Variants in TOX observed in about 807,000 individuals in gnomAD.
TOX encodes thymocyte selection associated high mobility group box.
TOX carries 11 observed loss-of-function variants against 53.7 expected under a neutral mutation model. The ratio of observed to expected loss-of-function variants is 0.20; its 90% CI spans 0.13 to 0.34. The LOEUF (loss-of-function observed/expected upper bound fraction) is 0.34, where lower values mean the gene tolerates loss of function less well. Ranked by LOEUF, TOX falls within the 10% of genes least tolerant of loss-of-function variation. The pLI, the probability that TOX is intolerant of heterozygous loss-of-function variation, is 1.00. For missense variants in TOX, 570 were observed against 664.6 expected (o/e 0.86, Z 1.56); for synonymous variants, 225 against 245.3 (o/e 0.92, Z 0.77).
At chr8:58,987,473 T>C (rs1021164475) in intron 1 of TOX, among the ~76,000 whole-genome samples, 1 of 152,214 alleles carries the variant, frequency 6.6e-6, no homozygotes, top group Non-Finnish European at 1.5e-5. Flanking sequence ...GTTTGTAATA[T>C]AGATGGCACA....
At chr8:58,825,823 TATAA>T (rs1426210112) in intron 6 of TOX, among the ~76,000 whole-genome samples, 11 of 152,168 alleles carry the variant, frequency 7.2e-5, no homozygotes, top group African/African-American at 2.6e-4. Context: ...CAACAGAAAA[TATAA>T]ATAGTTTCAG....
chr8:58,901,017 A>C (rs934708958), intron 3 of TOX, among the ~76,000 whole-genome samples: 1 of 152,150 alleles, frequency 6.6e-6, no homozygotes, highest in African/African-American at 2.4e-5. Context: ...AGCATCAGTC[A>C]AATTTTGAAT....
At position 58,873,958 on chromosome 8, in the gene TOX, C is replaced by CTTTTT. The variant is rs1173710545; in HGVS notation, c.412-22158_412-22154dup. On this transcript the variant is annotated intron_variant, in intron 3 of 8. Transcript: ENST00000361421. ...AATACACATCCTGAATGCCAGGAAG[C>CTTTTT]TTTTTTTTTTTTTTTTTTTTTTTTT... Among the ~76,000 whole-genome samples the CTTTTT allele has an allele frequency of 1.4e-3, 55 of 40,136 alleles. 14 individuals are homozygous for CTTTTT. The highest frequency in any genetic ancestry group is 4.0e-3 in the African/African-American group (23 of 5,790). The allele number at this position is 40,136 out of a possible 152,430, so 26.3% of individuals were successfully genotyped here. A position where few individuals can be genotyped will look rare whatever the true frequency, so the allele number is the denominator to read the frequency against.
chr8:58,876,997 T>C (rs1454290787), intron 3 of TOX, among the ~76,000 whole-genome samples: 1 of 152,190 alleles, frequency 6.6e-6, no homozygotes, highest in Non-Finnish European at 1.5e-5. Context: ...AGCTTTGAAG[T>C]GAACTAAAGT....
chr8:58,967,028 C>T (rs1187475255), intron 1 of TOX, among the ~76,000 whole-genome samples: 2 of 152,020 alleles, frequency 1.3e-5, no homozygotes, highest in Admixed American at 6.5e-5. Flanking sequence ...GCGCCCGCCA[C>T]CACGCCCGGC....
At chr8:59,068,504 GA>G (rs1804136842) in intron 1 of TOX, among the ~76,000 whole-genome samples, 1 of 151,486 alleles carries the variant, frequency 6.6e-6, no homozygotes, top group African/African-American at 2.4e-5. Flanking sequence ...GAATAAGGCG[GA>G]AAAAAGTAAA....
chr8:59,061,967 A>G (rs536474766), intron 1 of TOX, among the ~76,000 whole-genome samples: 5 of 152,296 alleles, frequency 3.3e-5, no homozygotes, highest in African/African-American at 1.2e-4. Flanking sequence ...GAGATTTTAC[A>G]AGCTCAAAAG....
intron 3 of TOX, among the ~76,000 whole-genome samples, chr8:58,923,582 C>T (rs1436858986): frequency 6.6e-6 from 1 of 152,174 alleles, no homozygotes; most frequent in Admixed American, 6.5e-5. Context: ...AACACTACCT[C>T]CATTAATTAG....
At chr8:58,841,558 A>G (rs1352568033) in intron 4 of TOX, among the ~76,000 whole-genome samples, 1 of 152,244 alleles carries the variant, frequency 6.6e-6, no homozygotes, top group Admixed American at 6.5e-5. Flanking sequence ...ACTTTCAGTT[A>G]TAAGATGAAT....
chr8:58,843,876 CCTTGA>C (rs1810682395), intron 4 of TOX, among the ~76,000 whole-genome samples: 1 of 152,148 alleles, frequency 6.6e-6, no homozygotes, highest in African/African-American at 2.4e-5. Flanking sequence ...TCCAAAGCCT[CCTTGA>C]AGACAGAAAT....
intron 2 of TOX, among the ~76,000 whole-genome samples, chr8:58,951,079 T>G (rs1445163714): frequency 6.6e-6 from 1 of 152,202 alleles, no homozygotes; most frequent in African/African-American, 2.4e-5. Context: ...TACTCTAGAA[T>G]TGAAGTATGT....
intron 3 of TOX, among the ~76,000 whole-genome samples, chr8:58,927,607 C>T (rs1198288674): frequency 3.3e-5 from 5 of 152,160 alleles, no homozygotes; most frequent in Admixed American, 6.5e-5. Context: ...TGGCAAGAGT[C>T]GGAGCCCAAT....
intron 1 of TOX, among the ~76,000 whole-genome samples, chr8:59,091,056 T>C (rs1282190026): frequency 6.6e-6 from 1 of 152,156 alleles, no homozygotes; most frequent in African/African-American, 2.4e-5. Context: ...AAGCCTCTCC[T>C]ATCCAAAAAT....
chr8:59,108,890 TA>T (rs1804962444), intron 1 of TOX, among the ~76,000 whole-genome samples: 1 of 152,178 alleles, frequency 6.6e-6, no homozygotes, highest in Non-Finnish European at 1.5e-5. Flanking sequence ...TTAATGCAGA[TA>T]AGTGCTGGCT....
intron 3 of TOX, among the ~76,000 whole-genome samples, chr8:58,863,809 T>TAG (rs1183640612): frequency 6.6e-6 from 1 of 152,084 alleles, no homozygotes; most frequent in Non-Finnish European, 1.5e-5. Context: ...GATGAGACTA[T>TAG]CCCTGTACTC....
At chr8:58,988,866 C>T (rs1363076350) in intron 1 of TOX, among the ~76,000 whole-genome samples, 1 of 152,164 alleles carries the variant, frequency 6.6e-6, no homozygotes, top group Non-Finnish European at 1.5e-5. Flanking sequence ...TCCTCTTCTG[C>T]AACTGTGAGA....
chr8:59,062,112 C>T (rs1252135853), intron 1 of TOX, among the ~76,000 whole-genome samples: 1 of 152,090 alleles, frequency 6.6e-6, no homozygotes, highest in East Asian at 1.9e-4. Flanking sequence ...TTTAACAGAA[C>T]CAAAGTTTTT....
At chr8:58,922,676 C>T (rs1432094810) in intron 3 of TOX, among the ~76,000 whole-genome samples, 1 of 152,204 alleles carries the variant, frequency 6.6e-6, no homozygotes, top group East Asian at 1.9e-4. Context: ...CCACCTCTCA[C>T]GGTGCTTCTA....
intron 1 of TOX, among the ~76,000 whole-genome samples, chr8:59,107,725 C>T (rs761091193): frequency 1.3e-5 from 2 of 152,102 alleles, no homozygotes; most frequent in Admixed American, 6.5e-5. Flanking sequence ...GCCAACAGGC[C>T]TTTAGGGCAC....
Sources: allele counts gnomAD v4.1 joint callset (sites outside exome capture counted in the v4.1 genomes callset), GRCh38; gene constraint gnomAD v4.1.1; transcripts MANE v1.5; gene names NCBI Gene and HGNC (gene_info 2026-07-23, HGNC 2026-07-21).